The following SORCS1 variants were observed in gnomAD, a reference collection of about 807,000 sequenced individuals.
The protein encoded by SORCS1 is VPS10 domain-containing receptor SorCS1.
SORCS1 carries 60 observed loss-of-function variants against 146.1 expected under a neutral mutation model. The observed-to-expected ratio is 0.41, with a 90% CI of 0.33 to 0.51. The LOEUF (loss-of-function observed/expected upper bound fraction) is 0.51, where lower values mean the gene tolerates loss of function less well. Ranked by LOEUF, SORCS1 falls within the 20% of genes least tolerant of loss-of-function variation. The pLI, the probability that SORCS1 is intolerant of heterozygous loss-of-function variation, is 0.21. For synonymous variants in SORCS1, 637 were observed against 584.0 expected (o/e 1.09, Z -1.31); for missense variants, 1,352 against 1,487.6 (o/e 0.91, Z 1.50).
chr10:106,579,134 C>G, intron 25 of SORCS1: 1 of 1,614,088 alleles, frequency 6.2e-7, no homozygotes, highest in Non-Finnish European at 8.5e-7. Flanking sequence ...GCTGGCCAGG[C>G]CTCCTTAGTT....
chr10:106,618,525 G>T (rs985816759), intron 20 of SORCS1, among the ~76,000 whole-genome samples: 1 of 152,160 alleles, frequency 6.6e-6, no homozygotes, highest in Non-Finnish European at 1.5e-5. Context: ...CAGGGCTGGG[G>T]AGATGGATAG....
At chr10:107,122,529 T>A (rs996288459) in intron 1 of SORCS1, among the ~76,000 whole-genome samples, 1 of 152,204 alleles carries the variant, frequency 6.6e-6, no homozygotes, top group Admixed American at 6.5e-5. Flanking sequence ...GGAAATAAGG[T>A]AAGACCCTAA....
chr10:106,998,478 A>C (rs759257456), intron 1 of SORCS1, among the ~76,000 whole-genome samples: 3 of 152,190 alleles, frequency 2.0e-5, no homozygotes, highest in Admixed American at 6.5e-5. Context: ...GCACAATTTC[A>C]TCTCACACTC....
At chr10:106,752,899 T>C (rs188635199) in intron 5 of SORCS1, among the ~76,000 whole-genome samples, 1 of 152,222 alleles carries the variant, frequency 6.6e-6, no homozygotes, top group Non-Finnish European at 1.5e-5. Flanking sequence ...CACACTGGGA[T>C]ATGAGGAATC....
At chr10:106,706,703 C>T (rs1854560445) in intron 7 of SORCS1, 69 bp from the exon 8 acceptor site, 1 of 1,431,418 alleles carries the variant, frequency 7.0e-7, no homozygotes, top group South Asian at 1.2e-5. Flanking sequence ...AGAACAGTCA[C>T]CTGAATGGAA....
chr10:106,760,484 C>G (rs1589820069), intron 5 of SORCS1, among the ~76,000 whole-genome samples: 2 of 149,342 alleles, frequency 1.3e-5, no homozygotes, highest in African/African-American at 4.9e-5. Context: ...GAGATCAGAG[C>G]TCTCTCTTTC....
rs371829979 is a variant in SORCS1, at chr10:106,751,831, CTGTG to C, written c.959+9753_959+9756del. ...TGTAAATCTGATGAATTTTAGTACC[CTGTG>C]TGTGTGTATGCACAAGTTTCTGCTG... On this transcript the variant is annotated intron_variant, in intron 5 of 25. Transcript: ENST00000263054. Among the ~76,000 whole-genome samples the C allele has an allele frequency of 3.6e-3, 543 of 152,142 alleles. 11 individuals carry two copies. Among genetic ancestry groups the C allele is most frequent in the East Asian group, 9.1e-3 (47 of 5,176 alleles).
chr10:106,909,142 G>A (rs369001792), intron 2 of SORCS1, among the ~76,000 whole-genome samples: 10 of 152,268 alleles, frequency 6.6e-5, no homozygotes, highest in Admixed American at 5.2e-4. Flanking sequence ...GCTCCTTGAT[G>A]TTTGGGAGAG....
At chr10:107,094,924 C>G (rs1964445547) in intron 1 of SORCS1, among the ~76,000 whole-genome samples, 1 of 152,172 alleles carries the variant, frequency 6.6e-6, no homozygotes, top group Non-Finnish European at 1.5e-5. Context: ...GTTTGATGAT[C>G]TGTCGGCAAG....
In SORCS1 at chr10:106,959,310, C is replaced by A. The variant is rs147754051; in HGVS notation, c.559-2730G>T. On this transcript the variant is annotated intron_variant, in intron 1 of 25. Coordinates refer to ENST00000263054, the MANE Select transcript of SORCS1 (RefSeq NM_052918.5). ...TGAAAGCATATCTGCTTGAATCAATCTATTTAATCTTTCTGTTTTCAGAAC... is the reference window on the plus strand; with the variant it reads ...TGAAAGCATATCTGCTTGAATCAATATATTTAATCTTTCTGTTTTCAGAAC... Among the ~76,000 whole-genome samples the A allele has an allele frequency of 1.7e-3, 266 of 152,330 alleles. 1 individual carries two copies. The highest frequency in any genetic ancestry group is 6.2e-3 in the African/African-American group (258 of 41,572).
Position 106,680,208 on chromosome 10 carries a change from A to T in SORCS1, c.1561-474T>A, listed in dbSNP as rs546416512. Among the ~76,000 whole-genome samples the T allele has an allele frequency of 3.8e-4, 58 of 152,284 alleles. No individual in the cohort carries two copies. The South Asian group carries it at 0.012, about 31-fold the overall frequency. On this transcript the variant is annotated intron_variant, in intron 10 of 25. Transcript: ENST00000263054. ...GCTATGAACAGTAGGTAGATGTTCA[A>T]GACGTTAAAGAATATTTCAAGCCTG...
chr10:106,684,558 A>T (rs976840456), intron 10 of SORCS1, among the ~76,000 whole-genome samples: 24 of 152,202 alleles, frequency 1.6e-4, no homozygotes, highest in African/African-American at 5.5e-4. Flanking sequence ...AGAGGAAAGA[A>T]ATCCCAGCTG....
At chr10:106,866,630 A>C (rs1950229844) in intron 2 of SORCS1, among the ~76,000 whole-genome samples, 2 of 152,198 alleles carry the variant, frequency 1.3e-5, no homozygotes, top group Non-Finnish European at 2.9e-5. Flanking sequence ...AGAGGGAACA[A>C]GGCTGCAAAG....
At chr10:106,823,575 G>A (rs188337992) in intron 3 of SORCS1, among the ~76,000 whole-genome samples, 13 of 152,214 alleles carry the variant, frequency 8.5e-5, no homozygotes, top group East Asian at 3.9e-4. Context: ...TCCTATGCTC[G>A]GCACGTTAAA....
At chr10:106,809,531 G>A (rs905385225) in intron 3 of SORCS1, among the ~76,000 whole-genome samples, 2 of 152,150 alleles carry the variant, frequency 1.3e-5, no homozygotes, top group Non-Finnish European at 2.9e-5. Flanking sequence ...GGAGATGAGT[G>A]ACAGCCCAGC....
At chr10:106,932,721 A>G (rs1953482045) in intron 2 of SORCS1, among the ~76,000 whole-genome samples, 1 of 152,264 alleles carries the variant, frequency 6.6e-6, no homozygotes, top group Non-Finnish European at 1.5e-5. Context: ...CTGTAGAATC[A>G]GAAGCACCTT....
intron 1 of SORCS1, among the ~76,000 whole-genome samples, chr10:107,149,290 G>C (rs184103736): frequency 5.3e-4 from 81 of 152,172 alleles, no homozygotes; most frequent in African/African-American, 1.9e-3. Context: ...TGTATTTAGC[G>C]TACATACACT....
chr10:106,752,089 T>C lies in SORCS1; in HGVS notation c.959+9499A>G, dbSNP rs566447139. Among the ~76,000 whole-genome samples the C allele has an allele frequency of 5.7e-4, 87 of 152,320 alleles. 1 individual carries two copies. The highest frequency in any genetic ancestry group is 1.7e-3 in the South Asian group (8 of 4,830). ...AGCTTGGGCAGGTGAAATTGTTTCT[T>C]GGAATCACCTAGTTAGTTAATAGTA... is the stretch of plus-strand genomic sequence containing the variant. On this transcript the variant is annotated intron_variant, in intron 5 of 25. Transcript: ENST00000263054.
chr10:106,938,896 C>G (rs533264616), intron 2 of SORCS1, among the ~76,000 whole-genome samples: 38 of 152,280 alleles, frequency 2.5e-4, no homozygotes, highest in Non-Finnish European at 5.0e-4. Flanking sequence ...CTGGGACATC[C>G]TGCTGCCTAG....
Sources: allele counts gnomAD v4.1 joint callset (sites outside exome capture counted in the v4.1 genomes callset), GRCh38; gene constraint gnomAD v4.1.1; transcripts MANE v1.5; gene names NCBI Gene and HGNC (gene_info 2026-07-23, HGNC 2026-07-21).